The following NTM variants were observed in gnomAD, a reference collection of about 807,000 sequenced individuals.
NTM encodes the protein IgLON family member 2.
Under a neutral mutation model 42.1 loss-of-function variants are expected in NTM, and 13 were observed. That is an observed-to-expected ratio of 0.31 (90% CI 0.20 to 0.49). NTM has a LOEUF of 0.49. Ranked by LOEUF, NTM falls within the 20% of genes least tolerant of loss-of-function variation. The pLI is 0.99. For synonymous variants in NTM, 187 were observed against 179.2 expected, an observed-to-expected ratio of 1.04 and a Z score of -0.35; for missense variants, 373 against 452.8, an observed-to-expected ratio of 0.82 and a Z score of 1.60.
At chr11:132,322,474 G>C (rs1290967754) in intron 7 of NTM, among the ~76,000 whole-genome samples, 18 of 133,140 alleles carry the variant, frequency 1.4e-4, no homozygotes, top group Non-Finnish European at 2.6e-4. Context: ...AACAAGAAGA[G>C]CTAACTATCC....
intron 1 of NTM, among the ~76,000 whole-genome samples, chr11:131,407,035 T>C (rs1945877662): frequency 6.6e-6 from 1 of 152,184 alleles, no homozygotes; most frequent in African/African-American, 2.4e-5. Context: ...GACCACAGAG[T>C]AGCATTTACG....
intron 1 of NTM, among the ~76,000 whole-genome samples, chr11:131,497,149 C>T (rs1284907789): frequency 6.6e-6 from 1 of 152,138 alleles, no homozygotes; most frequent in Admixed American, 6.6e-5. Context: ...TCTATCCGTG[C>T]CCCTAGCCCT....
At chr11:131,894,706 G>T (rs1422485596) in intron 1 of NTM, among the ~76,000 whole-genome samples, 2 of 152,234 alleles carry the variant, frequency 1.3e-5, no homozygotes, top group East Asian at 3.9e-4. Context: ...AGCAGCCCGG[G>T]CTCCTCCCTA....
intron 1 of NTM, among the ~76,000 whole-genome samples, chr11:131,649,422 C>T (rs1449863617): frequency 6.6e-6 from 1 of 152,162 alleles, no homozygotes; most frequent in East Asian, 1.9e-4. Flanking sequence ...TGAACGTTCC[C>T]AAGGCCTTTC....
chr11:131,567,230 C>A (rs183767327), intron 1 of NTM, among the ~76,000 whole-genome samples: 17 of 152,250 alleles, frequency 1.1e-4, no homozygotes, highest in African/African-American at 4.1e-4. Flanking sequence ...GTGGCTCACG[C>A]ATGTAATTCC....
At chr11:131,864,882 T>G (rs374061103) in intron 1 of NTM, among the ~76,000 whole-genome samples, 131 of 152,280 alleles carry the variant, frequency 8.6e-4, no homozygotes, top group African/African-American at 3.1e-3. Flanking sequence ...TCTTTCCCAG[T>G]TCTGCCCTGT....
chr11:131,754,174 C>T (rs2082980144), intron 1 of NTM, among the ~76,000 whole-genome samples: 1 of 150,768 alleles, frequency 6.6e-6, no homozygotes, highest in Non-Finnish European at 1.5e-5. Flanking sequence ...GGAAATATAC[C>T]TAATGTTAAA....
Position 131,442,439 on chromosome 11 carries a change from T to C in NTM, c.82+71551T>C, listed in dbSNP as rs141439798. Among the ~76,000 whole-genome samples, 38 of 152,252 alleles carry C rather than the reference T, an allele frequency of 2.5e-4. 1 individual carries two copies. The East Asian group carries it at 6.4e-3, about 26-fold the overall frequency. On this transcript the variant is annotated intron_variant, in intron 1 of 8. Coordinates refer to ENST00000683400, the MANE Select transcript of NTM (RefSeq NM_001352005.2). The stretch of plus-strand genomic sequence containing the variant: ...CAAATTCTTTTTATTTTATTTTAGA[T>C]TGGGGTTGTACCCATGCAGGTTTGT...
chr11:132,142,880 A>AT (rs1862092859), intron 2 of NTM, among the ~76,000 whole-genome samples: 1 of 152,020 alleles, frequency 6.6e-6, no homozygotes, highest in South Asian at 2.1e-4. Context: ...GTTTCTGTCA[A>AT]TTTTCAATAA....
chr11:131,881,477 T>TACACACACAC (rs34722610), intron 1 of NTM, among the ~76,000 whole-genome samples: 56 of 104,706 alleles, frequency 5.3e-4, no homozygotes, highest in African/African-American at 1.3e-3. Context: ...AGCTCTCAGT[T>TACACACACAC]ACACACACAC....
chr11:131,832,931 A>G (rs183787863), intron 1 of NTM, among the ~76,000 whole-genome samples: 1 of 152,362 alleles, frequency 6.6e-6, no homozygotes, highest in African/African-American at 2.4e-5. Context: ...TATTTGTTGT[A>G]ATGAGATTTC....
chr11:132,259,355 T>G (rs922585667), intron 4 of NTM, among the ~76,000 whole-genome samples: 4 of 152,108 alleles, frequency 2.6e-5, no homozygotes, highest in Admixed American at 1.3e-4. Context: ...AACTGCACAT[T>G]GCAGACTGAT....
intron 1 of NTM, among the ~76,000 whole-genome samples, chr11:131,521,043 G>C (rs2049584243): frequency 6.6e-6 from 1 of 152,046 alleles, no homozygotes; most frequent in African/African-American, 2.4e-5. Context: ...CAAGGTGCTT[G>C]GCCAGGCGTG....
chr11:131,834,787 G>T lies in NTM; in HGVS notation c.83-76777G>T, dbSNP rs190309082. On this transcript the variant is annotated intron_variant, in intron 1 of 8. Coordinates refer to ENST00000683400, the MANE Select transcript of NTM (RefSeq NM_001352005.2). ...CTATTAGAGCCATGATCCAATCTAGGCATTTTTGATCTGTAGCCCATAATT... is the reference window on the plus strand; with the variant it reads ...CTATTAGAGCCATGATCCAATCTAGTCATTTTTGATCTGTAGCCCATAATT... Among the ~76,000 whole-genome samples, 7 of 151,910 alleles carry T rather than the reference G, an allele frequency of 4.6e-5. No individual in the cohort carries two copies. The East Asian group carries it at 1.2e-3, about 25-fold the overall frequency.
intron 1 of NTM, among the ~76,000 whole-genome samples, chr11:131,815,972 G>GTTT (rs2092936221): frequency 6.6e-6 from 1 of 152,154 alleles, no homozygotes; most frequent in Admixed American, 6.5e-5. Context: ...GAGAGAGATG[G>GTTT]CGGTGAAACT....
chr11:132,201,666 C>G (rs1398657337), intron 3 of NTM, among the ~76,000 whole-genome samples: 1 of 152,210 alleles, frequency 6.6e-6, no homozygotes, highest in Admixed American at 6.5e-5. Context: ...AAATCCTGGT[C>G]AGCACATCAG....
At chr11:131,916,635 A>G (rs1361696153) in intron 2 of NTM, among the ~76,000 whole-genome samples, 2 of 152,138 alleles carry the variant, frequency 1.3e-5, no homozygotes, top group Non-Finnish European at 2.9e-5. Context: ...CATGTCATGT[A>G]AGGTGCTTGG....
intron 1 of NTM, among the ~76,000 whole-genome samples, chr11:131,678,103 C>A (rs2071752317): frequency 6.6e-6 from 1 of 152,200 alleles, no homozygotes; most frequent in Non-Finnish European, 1.5e-5. Context: ...ATGAGCATTG[C>A]AGCTTCCGGG....
intron 1 of NTM, among the ~76,000 whole-genome samples, chr11:131,586,070 TG>T (rs56938244): frequency 0.037 from 5,630 of 152,262 alleles, 301 homozygotes; most frequent in African/African-American, 0.12. Flanking sequence ...CTCGTGTGTG[TG>T]TATGAGTGTG....
Sources: gnomAD v4.1 joint callset for allele counts (sites outside exome capture counted in the v4.1 genomes callset) on GRCh38, gnomAD v4.1.1 for gene constraint, MANE v1.5 for transcripts, NCBI Gene and HGNC (gene_info 2026-07-23, HGNC 2026-07-21) for gene names.